GALNT9: variants seen among roughly 807,000 people sequenced by gnomAD.
The protein encoded by GALNT9 is GalNAc transferase 9.
Under a neutral mutation model 63.1 loss-of-function variants are expected in GALNT9, and 47 were observed. The observed-to-expected ratio is 0.75, with a 90% CI of 0.59 to 0.95. GALNT9 has a LOEUF of 0.95. Ranked by LOEUF, GALNT9 falls within the 40% of genes least tolerant of loss-of-function variation. GALNT9 has a pLI of 0.00. For synonymous variants in GALNT9, 396 were observed against 365.7 expected (o/e 1.08, Z -0.94); for missense variants, 829 against 874.8 (o/e 0.95, Z 0.66).
chr12:132,258,990 A>T (rs782498148), intron 4 of GALNT9, among the ~76,000 whole-genome samples: 12 of 152,130 alleles, frequency 7.9e-5, no homozygotes, highest in Non-Finnish European at 1.5e-4. Context: ...CAAGGCCCTG[A>T]CCCTGCCTGT....
chr12:132,259,100 C>T (rs1293027836), intron 4 of GALNT9, among the ~76,000 whole-genome samples: 4 of 152,232 alleles, frequency 2.6e-5, no homozygotes, highest in Non-Finnish European at 5.9e-5. Flanking sequence ...TAATTAATTA[C>T]TGTTAGCGAA....
Position 132,303,083 on chromosome 12 carries a change from CT to C in GALNT9, c.239-16654del, listed in dbSNP as rs571587758. On this transcript the variant is annotated intron_variant, in intron 1 of 10. Coordinates refer to ENST00000328957, the MANE Select transcript of GALNT9 (RefSeq NM_001122636.2). ...GGTTTCCCACCCTCTGTCTGTCTCTCTCTCGGGAAAGCCTCCCTGTGTATTT... is the reference window on the plus strand; with the variant it reads ...GGTTTCCCACCCTCTGTCTGTCTCTCCTCGGGAAAGCCTCCCTGTGTATTT... 5.0e-3 allele frequency among the ~76,000 whole-genome samples: 765 copies of C among 152,128 alleles called. 1 individual carries two copies. Among genetic ancestry groups the C allele is most frequent in the African/African-American group, 0.016 (660 of 41,474 alleles).
At chr12:132,325,454 G>A (rs1868996556) in intron 1 of GALNT9, among the ~76,000 whole-genome samples, 1 of 152,218 alleles carries the variant, frequency 6.6e-6, no homozygotes, top group Non-Finnish European at 1.5e-5. Context: ...TCCTGAGGCT[G>A]GAGGAAGCCT....
intron 5 of GALNT9, among the ~76,000 whole-genome samples, chr12:132,255,947 T>C (rs1376360089): frequency 2.6e-5 from 4 of 152,014 alleles, no homozygotes; most frequent in Non-Finnish European, 5.9e-5. Flanking sequence ...TCTGTCCCCA[T>C]GAGGGAGGGC....
Position 132,286,266 on chromosome 12 carries a change from C to A in GALNT9, c.403G>T (p.Asp135Tyr), listed in dbSNP as rs953723937. 6.5e-7 allele frequency: 1 copy of A among 1,550,386 alleles called. No individual in the cohort carries two copies. Among genetic ancestry groups the A allele is most frequent in the Non-Finnish European group, 8.7e-7 (1 of 1,146,458 alleles). Residue 135 changes from aspartate to tyrosine, a missense_variant, in exon 2 of 11, where the codon GAC (aspartate) becomes TAC (tyrosine). Asp to Tyr is a radical substitution (Grantham distance 160, BLOSUM62 -3). Coordinates refer to ENST00000328957, the MANE Select transcript of GALNT9 (RefSeq NM_001122636.2). The surrounding 1 kb of genome is among the most constrained non-coding windows in gnomAD (Gnocchi z 7.4). ...CTCACTCACTTTCTGGGCCGGTAGT[C>A]GGGGATGCTCCGATCGAGGGAGATG... ...DRISLDRSIP[D>Y]YRPRKCRQMS...
chr12:132,207,886 A>T (rs1185019846), intron 6 of GALNT9, among the ~76,000 whole-genome samples: 10 of 152,212 alleles, frequency 6.6e-5, no homozygotes, highest in African/African-American at 2.4e-4. Context: ...TCCCTGCAAA[A>T]CAGGGAAAGA....
intron 1 of GALNT9, among the ~76,000 whole-genome samples, chr12:132,305,714 TG>T (rs1330166617): frequency 6.6e-6 from 1 of 152,070 alleles, no homozygotes; most frequent in Non-Finnish European, 1.5e-5. Context: ...GGCACAGCCT[TG>T]CCTGGGTGGC....
At chr12:132,312,595 T>G (rs1252122229) in intron 1 of GALNT9, among the ~76,000 whole-genome samples, 1 of 152,176 alleles carries the variant, frequency 6.6e-6, no homozygotes, top group Non-Finnish European at 1.5e-5. Context: ...ATCCTGACTC[T>G]GGAATCTCCT....
intron 6 of GALNT9, among the ~76,000 whole-genome samples, chr12:132,211,851 G>A (rs1026938141): frequency 7.9e-5 from 12 of 152,202 alleles, no homozygotes; most frequent in African/African-American, 1.9e-4. Flanking sequence ...AGCAGGCCAC[G>A]TGCTCACACA....
chr12:132,216,628 A>G (rs892412404), intron 6 of GALNT9, among the ~76,000 whole-genome samples: 2 of 152,152 alleles, frequency 1.3e-5, no homozygotes, highest in African/African-American at 4.8e-5. Context: ...CTTCCTTCCT[A>G]AGATCTGCGT....
intron 6 of GALNT9, among the ~76,000 whole-genome samples, chr12:132,216,994 C>A (rs1313457848): frequency 6.6e-6 from 1 of 152,192 alleles, no homozygotes; most frequent in Non-Finnish European, 1.5e-5. Flanking sequence ...ATCTGGTTTT[C>A]ACTTTGAAAA....
At chr12:132,262,132 G>C (rs1468209714) in intron 3 of GALNT9, among the ~76,000 whole-genome samples, 1 of 152,210 alleles carries the variant, frequency 6.6e-6, no homozygotes, top group Non-Finnish European at 1.5e-5. Context: ...ATCCGGTTGA[G>C]TATCTTGAGA....
intron 5 of GALNT9, among the ~76,000 whole-genome samples, chr12:132,254,417 C>T (rs1258246920): frequency 6.6e-6 from 1 of 152,258 alleles, no homozygotes; most frequent in Non-Finnish European, 1.5e-5. Context: ...TGATCAGCAT[C>T]GTGTCCTTCT....
Position 132,248,047 on chromosome 12 carries a change from G to A in GALNT9, c.960-20C>T, listed in dbSNP as rs1361531995. 9.1e-6 allele frequency: 14 copies of A among 1,542,210 alleles called. No homozygotes were observed. Among genetic ancestry groups the A allele is most frequent in the South Asian group, 1.2e-5 (1 of 82,378 alleles). On this transcript the variant is annotated intron_variant, in intron 5 of 10. Transcript: ENST00000328957. Reference sequence around the variant, plus strand: ...GGGGTCCTGGGAGGCAGAGACAGCGGCGTGAGGACCTCGCCATGCAGGCCT... The same window carrying A: ...GGGGTCCTGGGAGGCAGAGACAGCGACGTGAGGACCTCGCCATGCAGGCCT...
At chr12:132,269,858 G>A (rs1341670946) in intron 2 of GALNT9, among the ~76,000 whole-genome samples, 1 of 152,224 alleles carries the variant, frequency 6.6e-6, no homozygotes, top group Non-Finnish European at 1.5e-5. Context: ...ACACAGGCGA[G>A]GGAGATGGGC....
chr12:132,261,200 T>C (rs533969997), intron 3 of GALNT9, 78 bp from the exon 4 acceptor site: 20 of 1,531,606 alleles, frequency 1.3e-5, no homozygotes, highest in South Asian at 8.6e-5. Context: ...CTGGAAATGC[T>C]GCGTGCCGCG....
intron 5 of GALNT9, among the ~76,000 whole-genome samples, chr12:132,251,693 C>A (rs1555238591): frequency 6.6e-6 from 1 of 152,254 alleles, no homozygotes; most frequent in East Asian, 1.9e-4. Flanking sequence ...GCTCTGCAAG[C>A]TGGAGGGCCC....
intron 1 of GALNT9, among the ~76,000 whole-genome samples, chr12:132,295,843 C>T (rs1284167013): frequency 6.8e-6 from 1 of 147,388 alleles, no homozygotes; most frequent in East Asian, 2.0e-4. Context: ...GGGAGAGCCT[C>T]CGAACAGGGA....
At chr12:132,317,908 G>A (rs1555245838) in intron 1 of GALNT9, among the ~76,000 whole-genome samples, 1 of 152,200 alleles carries the variant, frequency 6.6e-6, no homozygotes, top group Non-Finnish European at 1.5e-5. Flanking sequence ...GGTCGAGGAT[G>A]GCGTTTCAAA....
Sources: gnomAD v4.1 joint callset for allele counts (sites outside exome capture counted in the v4.1 genomes callset) on GRCh38, gnomAD v4.1.1 for gene constraint, Gnocchi (gnomAD v3.1) non-coding constraint, MANE v1.5 for transcripts, NCBI Gene and HGNC (gene_info 2026-07-23, HGNC 2026-07-21) for gene names.